The following EXOC6B variants were observed in gnomAD, a reference collection of about 807,000 sequenced individuals.
EXOC6B encodes exocyst complex component 6B, also known as SEC15 homolog B.
A neutral mutation model predicts 113.5 loss-of-function variants in EXOC6B; 54 were observed. The observed-to-expected ratio is 0.48, with a 90% confidence interval of 0.38 to 0.60. The LOEUF is 0.60. Ranked by LOEUF, EXOC6B falls within the 20% of genes least tolerant of loss-of-function variation. The pLI is 0.00. For synonymous variants in EXOC6B, 357 were observed against 339.0 expected (o/e 1.05, Z -0.58); for missense variants, 797 against 977.5 (o/e 0.82, Z 2.46).
chr2:72,635,111 G>C (rs1314355570), intron 6 of EXOC6B, among the ~76,000 whole-genome samples: 11 of 151,846 alleles, frequency 7.2e-5, no homozygotes, highest in Admixed American at 2.6e-4. Context: ...TTAGAAAACA[G>C]GAAAAGTCTC....
At chr2:72,655,571 A>G (rs1674516769) in intron 6 of EXOC6B, among the ~76,000 whole-genome samples, 1 of 152,082 alleles carries the variant, frequency 6.6e-6, no homozygotes, top group East Asian at 1.9e-4. Flanking sequence ...ACTCCATTTA[A>G]TGTAAATGTA....
intron 6 of EXOC6B, among the ~76,000 whole-genome samples, chr2:72,598,901 AT>A (rs1411567051): frequency 6.6e-6 from 1 of 152,096 alleles, no homozygotes; most frequent in Non-Finnish European, 1.5e-5. Flanking sequence ...AACAAATTGA[AT>A]TAATAATTAA....
At chr2:72,701,983 C>T (rs1299049544) in intron 6 of EXOC6B, among the ~76,000 whole-genome samples, 3 of 150,830 alleles carry the variant, frequency 2.0e-5, no homozygotes, top group Non-Finnish European at 4.4e-5. Context: ...AGGTTAGTTA[C>T]ATATGTATAC....
chr2:72,201,903 C>T (rs1679516663), intron 20 of EXOC6B, among the ~76,000 whole-genome samples: 1 of 152,078 alleles, frequency 6.6e-6, no homozygotes, highest in Non-Finnish European at 1.5e-5. Flanking sequence ...CAGCTAAGTG[C>T]CCACTACCAG....
At chr2:72,780,116 T>C (rs532034148) in intron 1 of EXOC6B, among the ~76,000 whole-genome samples, 18 of 152,338 alleles carry the variant, frequency 1.2e-4, no homozygotes, top group African/African-American at 4.1e-4. Context: ...ATTACATGTA[T>C]TATTTTCATA....
chr2:72,809,872 C>T (rs1392328679), intron 1 of EXOC6B, among the ~76,000 whole-genome samples: 1 of 152,092 alleles, frequency 6.6e-6, no homozygotes, highest in Admixed American at 6.6e-5. Flanking sequence ...CATAAATCAA[C>T]AGATAACACC....
chr2:72,684,354 C>T (rs550286833), intron 6 of EXOC6B, among the ~76,000 whole-genome samples: 6 of 152,190 alleles, frequency 3.9e-5, no homozygotes, highest in African/African-American at 1.4e-4. Context: ...AGACTGACAA[C>T]AAATAATGCT....
intron 5 of EXOC6B, chr2:72,721,693 T>C (rs1031463312): frequency 6.6e-6 from 1 of 151,994 alleles, no homozygotes; most frequent in Non-Finnish European, 1.5e-5. Context: ...ATTATTTATA[T>C]TAGCAAATAA....
intron 18 of EXOC6B, among the ~76,000 whole-genome samples, chr2:72,387,942 A>G (rs923482462): frequency 6.6e-6 from 1 of 152,094 alleles, no homozygotes; most frequent in East Asian, 1.9e-4. Flanking sequence ...TTCTTATAAC[A>G]TAAGTACTTA....
At chr2:72,618,873 C>A (rs571525684) in intron 6 of EXOC6B, among the ~76,000 whole-genome samples, 1 of 152,212 alleles carries the variant, frequency 6.6e-6, no homozygotes. Flanking sequence ...GTAATCCCAA[C>A]TCCTTACCAT....
At chr2:72,694,971 G>A (rs947308841) in intron 6 of EXOC6B, among the ~76,000 whole-genome samples, 15 of 152,290 alleles carry the variant, frequency 9.8e-5, no homozygotes, top group African/African-American at 3.6e-4. Context: ...GGAGACGGGG[G>A]TGGGGATGCT....
chr2:72,467,160 G>A (rs185259586), intron 17 of EXOC6B, among the ~76,000 whole-genome samples: 2 of 152,242 alleles, frequency 1.3e-5, no homozygotes, highest in South Asian at 2.1e-4. Context: ...CAAATGGCAG[G>A]ATTTCCTTCT....
At chr2:72,782,636 CTG>C (rs1236177649) in intron 1 of EXOC6B, among the ~76,000 whole-genome samples, 1 of 152,194 alleles carries the variant, frequency 6.6e-6, no homozygotes, top group East Asian at 1.9e-4. Flanking sequence ...TTCCTTCTAA[CTG>C]TGTATCGGTA....
At chr2:72,364,777 C>T (rs1423274554) in intron 19 of EXOC6B, among the ~76,000 whole-genome samples, 1 of 152,144 alleles carries the variant, frequency 6.6e-6, no homozygotes, top group African/African-American at 2.4e-5. Flanking sequence ...CTGTTTATCT[C>T]TTATCTCTGT....
intron 18 of EXOC6B, among the ~76,000 whole-genome samples, chr2:72,451,809 G>A (rs553872631): frequency 2.6e-5 from 4 of 152,152 alleles, no homozygotes; most frequent in Non-Finnish European, 4.4e-5. Flanking sequence ...GGGAGGTCCC[G>A]GGGGCAAGTA....
At chr2:72,216,085 G>T (rs1680514213) in intron 20 of EXOC6B, among the ~76,000 whole-genome samples, 1 of 151,906 alleles carries the variant, frequency 6.6e-6, no homozygotes, top group Non-Finnish European at 1.5e-5. Flanking sequence ...GTAGGAAAAC[G>T]ATCACCGAGA....
intron 6 of EXOC6B, among the ~76,000 whole-genome samples, chr2:72,694,754 A>G (rs1677746747): frequency 6.6e-6 from 1 of 152,350 alleles, no homozygotes; most frequent in South Asian, 2.1e-4. Flanking sequence ...ACATGGCCGG[A>G]GTCACCTTTC....
intron 18 of EXOC6B, among the ~76,000 whole-genome samples, chr2:72,445,940 G>C (rs569306077): frequency 8.5e-5 from 13 of 152,242 alleles, no homozygotes; most frequent in Non-Finnish European, 1.5e-4. Context: ...ATCGCAAGGA[G>C]ATACTATCTC....
intron 20 of EXOC6B, among the ~76,000 whole-genome samples, chr2:72,222,224 G>A (rs1051214382): frequency 3.9e-5 from 6 of 152,180 alleles, no homozygotes; most frequent in Non-Finnish European, 7.3e-5. Context: ...AGAAGATATA[G>A]GGAATACTAT....
Sources: gnomAD v4.1 joint callset for allele counts (sites outside exome capture counted in the v4.1 genomes callset) on GRCh38, gnomAD v4.1.1 for gene constraint, MANE v1.5 for transcripts, NCBI Gene and HGNC (gene_info 2026-07-23, HGNC 2026-07-21) for gene names.